Variants in PDK3 observed in about 807,000 individuals in gnomAD.
PDK3 encodes pyruvate dehydrogenase kinase 3.
A neutral mutation model predicts 32.0 loss-of-function variants in PDK3; 12 were observed. That is an observed-to-expected ratio of 0.37 (90% CI 0.24 to 0.61). The LOEUF (loss-of-function observed/expected upper bound fraction) is 0.61, where lower values mean the gene tolerates loss of function less well. Ranked by LOEUF, PDK3 falls within the 20% of genes least tolerant of loss-of-function variation. The probability of loss-of-function intolerance (pLI) is 0.65; values close to 1 mark genes in which losing one functional copy is unlikely to be tolerated. For missense variants in PDK3, 188 were observed against 316.9 expected, an observed-to-expected ratio of 0.59 and a Z score of 3.09; for synonymous variants, 122 against 116.3, an observed-to-expected ratio of 1.05 and a Z score of -0.31.
chrX:24,494,187 C>T (rs774695936), intron 1 of PDK3, among the ~76,000 whole-genome samples: 1 of 112,004 alleles, frequency 8.9e-6, no homozygotes, highest in Admixed American at 9.5e-5. Flanking sequence ...ACATGCCAAC[C>T]CTGTGTCTCA....
At chrX:24,545,816 A>G (rs1256310018) in exon 12 of PDK3, 1 of 111,767 alleles carries the variant, frequency 8.9e-6, no homozygotes, top group Admixed American at 9.5e-5. Flanking sequence ...GTCAAAGCAG[A>G]CAGAAATCCC....
chrX:24,521,957 A>G (rs1180355507), intron 6 of PDK3, among the ~76,000 whole-genome samples: 1 of 112,030 alleles, frequency 8.9e-6, no homozygotes, highest in Non-Finnish European at 1.9e-5. Flanking sequence ...GAGCATGATT[A>G]AGGAATGTGC....
At chrX:24,516,081 C>T (rs1350646377) in intron 5 of PDK3, among the ~76,000 whole-genome samples, 1 of 111,740 alleles carries the variant, frequency 8.9e-6, no homozygotes, top group Non-Finnish European at 1.9e-5. Flanking sequence ...ATAGTCTGAA[C>T]ATACCCTAAT....
At chrX:24,529,086 C>T (rs1048350353) in intron 9 of PDK3, among the ~76,000 whole-genome samples, 3 of 111,640 alleles carry the variant, frequency 2.7e-5, no homozygotes, top group East Asian at 5.6e-4. Context: ...ATATAGGAGT[C>T]GAGAAAATTC....
intron 3 of PDK3, 135 bp downstream of exon 3, chrX:24,499,035 C>A: frequency 3.2e-6 from 1 of 316,249 alleles, no homozygotes; most frequent in Non-Finnish European, 5.2e-6. Flanking sequence ...AGTAGTGACT[C>A]AACATTGAGT....
intron 2 of PDK3, among the ~76,000 whole-genome samples, chrX:24,497,666 A>G (rs1272273559): frequency 8.8e-6 from 1 of 113,125 alleles, no homozygotes; most frequent in Non-Finnish European, 1.9e-5. Context: ...CATGAAGCTG[A>G]TGAATCAAGT....
chrX:24,526,858 A>G lies in PDK3; in HGVS notation c.750+584A>G, dbSNP rs773503624. On this transcript the variant is annotated intron_variant, in intron 7 of 10. Coordinates refer to ENST00000379162, the MANE Select transcript of PDK3 (RefSeq NM_005391.5). ...CTGTTGCTTTTGTTAATCAGTAGCT[A>G]ATGACATTTACAGTAGCAGTATTAC... Among the ~76,000 whole-genome samples the G allele has an allele frequency of 3.6e-5, 4 of 112,051 alleles. No homozygotes were observed. The South Asian group carries it at 1.5e-3, about 41-fold the overall frequency.
At chrX:24,472,533 A>T (rs1017278504) in intron 1 of PDK3, among the ~76,000 whole-genome samples, 1 of 111,364 alleles carries the variant, frequency 9.0e-6, no homozygotes, top group Non-Finnish European at 1.9e-5. Flanking sequence ...AGTACATCTT[A>T]TATTGATTGC....
At chrX:24,525,970 A>C (rs1024173835) in intron 6 of PDK3, among the ~76,000 whole-genome samples, 1 of 112,599 alleles carries the variant, frequency 8.9e-6, no homozygotes, top group Non-Finnish European at 1.9e-5. Context: ...AGATTGAGTG[A>C]TTTATCCAAG....
At chrX:24,546,930 C>T (rs1487115755) in exon 12 of PDK3, 1 of 112,635 alleles carries the variant, frequency 8.9e-6, no homozygotes, top group Non-Finnish European at 1.9e-5. Context: ...AAAGCAGCCC[C>T]CTTATCTTGC....
intron 5 of PDK3, 94 bp from the exon 6 acceptor site, chrX:24,518,839 A>G (rs1487021665): frequency 0.032 from 69 of 2,152 alleles, no homozygotes; most frequent in Admixed American, 0.11. Flanking sequence ...GCACATGTGC[A>G]CACACACACA....
At chrX:24,541,728 A>G (rs937602836) in exon 12 of PDK3, among the ~76,000 whole-genome samples, 1 of 112,717 alleles carries the variant, frequency 8.9e-6, no homozygotes. Flanking sequence ...TCAACTGTAC[A>G]TGATTCTTTT....
At chrX:24,538,920 C>A, downstream of PDK3, among the ~76,000 whole-genome samples, 1 of 111,993 alleles carries the variant, frequency 8.9e-6, no homozygotes, top group Non-Finnish European at 1.9e-5. Flanking sequence ...ATATTTCTAA[C>A]CAGAGTTTTC....
chrX:24,506,801 CTTTTTTTTTTT>C (rs10682263), intron 5 of PDK3, among the ~76,000 whole-genome samples: 7 of 49,492 alleles, frequency 1.4e-4, no homozygotes, highest in Non-Finnish European at 1.0e-4. Flanking sequence ...TTTTTTCTTT[CTTTTTTTTTTT>C]TTTTTTTTTT....
chrX:24,512,794 A>T (rs1922156500), intron 5 of PDK3, among the ~76,000 whole-genome samples: 1 of 110,781 alleles, frequency 9.0e-6, no homozygotes, highest in African/African-American at 3.3e-5. Flanking sequence ...TAGGAAACAG[A>T]AAACAAGGTT....
intron 7 of PDK3, 102 bp downstream of exon 7, chrX:24,526,376 A>G: frequency 4.0e-6 from 2 of 502,556 alleles, no homozygotes. Flanking sequence ...AAGGTTTTGC[A>G]TAACCATTTT....
At chrX:24,497,390 T>G (rs1449927536) in intron 2 of PDK3, among the ~76,000 whole-genome samples, 1 of 112,176 alleles carries the variant, frequency 8.9e-6, no homozygotes, top group East Asian at 2.8e-4. Flanking sequence ...GTTCAAGCGA[T>G]TCTCCTGCCT....
intron 5 of PDK3, among the ~76,000 whole-genome samples, chrX:24,516,001 A>C (rs2148196740): frequency 9.0e-6 from 1 of 111,700 alleles, no homozygotes; most frequent in South Asian, 3.7e-4. Flanking sequence ...AAGGAATCAG[A>C]ATTCTTACTC....
Position 24,465,296 on chromosome X carries a change from A to AGCTGCT in PDK3, c.-148_-143dup, listed in dbSNP as rs1249682130. ...CGCGGGCGGCCCGCCGCTGTCCTGG[A>AGCTGCT]GCTGCTGCTGCTGCTGCGGCGGCTG... On this transcript the variant is annotated 5_prime_UTR_variant, in exon 1 of 11. Transcript: ENST00000379162. The AGCTGCT allele has an allele frequency of 6.4e-5, 21 of 327,115 alleles. No homozygotes were observed. The highest frequency in any genetic ancestry group is 5.0e-4 in the African/African-American group (18 of 35,758). The allele number at this position is 327,115 out of a possible 1,213,427, so 27.0% of individuals were successfully genotyped here. A position where few individuals can be genotyped will look rare whatever the true frequency, so the allele number is the denominator to read the frequency against.
Sources: allele counts gnomAD v4.1 joint callset (sites outside exome capture counted in the v4.1 genomes callset), GRCh38; gene constraint gnomAD v4.1.1; transcripts MANE v1.5; gene names NCBI Gene and HGNC (gene_info 2026-07-23, HGNC 2026-07-21).